The following RARB variants were observed in gnomAD, a reference collection of about 807,000 sequenced individuals.
RARB encodes the protein HBV-activated protein.
Under a neutral mutation model 51.9 loss-of-function variants are expected in RARB, and 17 were observed. The ratio of observed to expected loss-of-function variants is 0.33; its 90% CI spans 0.22 to 0.49. The LOEUF (loss-of-function observed/expected upper bound fraction) is 0.49, where lower values mean the gene tolerates loss of function less well. Among genes scored for constraint, RARB ranks in the 20% least tolerant of loss-of-function variants. The probability of loss-of-function intolerance (pLI) is 0.99; values close to 1 mark genes in which losing one functional copy is unlikely to be tolerated. For synonymous variants in RARB, 215 were observed against 195.4 expected (o/e 1.10, Z -0.84); for missense variants, 369 against 550.8 (o/e 0.67, Z 3.30).
chr3:24,844,312 G>A (rs1702459179), intron 1 of RARB, among the ~76,000 whole-genome samples: 1 of 152,228 alleles, frequency 6.6e-6, no homozygotes, highest in South Asian at 2.1e-4. Context: ...TGCCTGGCAA[G>A]GCTGGTGCCA....
chr3:25,385,484 T>C (rs11129198), intron 5 of RARB, among the ~76,000 whole-genome samples: 26,647 of 152,006 alleles, frequency 0.18, 2,470 homozygotes, highest in South Asian at 0.22. Context: ...ACACAGACAA[T>C]GAAAAGGTGA....
At chr3:25,296,595 G>A (rs1355033055) in intron 5 of RARB, among the ~76,000 whole-genome samples, 1 of 152,156 alleles carries the variant, frequency 6.6e-6, no homozygotes, top group Non-Finnish European at 1.5e-5. Context: ...TAATTATTCA[G>A]TGGTAAAGGT....
chr3:24,968,431 C>T (rs556695482), intron 2 of RARB, among the ~76,000 whole-genome samples: 63 of 152,172 alleles, frequency 4.1e-4, no homozygotes, highest in Non-Finnish European at 1.9e-4. Flanking sequence ...TAATAAACCA[C>T]CTTAGAAATT....
intron 2 of RARB, among the ~76,000 whole-genome samples, chr3:24,958,774 T>A (rs1574375): frequency 4.6e-5 from 7 of 151,988 alleles, no homozygotes; most frequent in African/African-American, 1.5e-4. Flanking sequence ...GCCATGAAAA[T>A]AATATGACAA....
chr3:25,099,171 C>G lies in RARB; in HGVS notation c.-327-32990C>G, dbSNP rs532203222. Among the ~76,000 whole-genome samples the G allele has an allele frequency of 2.0e-5, 3 of 152,246 alleles. No individual in the cohort carries two copies. In the South Asian group the frequency reaches 6.2e-4, roughly 32 times the overall value. On this transcript the variant is annotated intron_variant, in intron 3 of 11. Transcript: ENST00000383772. ...GATGGTAACAGAACAGGTAGGCACT[C>G]CCAAAGCCCTTGGCTTTAAATATAG... is the stretch of plus-strand genomic sequence containing the variant.
At chr3:25,210,842 G>T (rs868763168) in intron 5 of RARB, among the ~76,000 whole-genome samples, 1 of 151,840 alleles carries the variant, frequency 6.6e-6, no homozygotes, top group Non-Finnish European at 1.5e-5. Context: ...GCCTTTGTCT[G>T]ATTCTTTACA....
chr3:24,999,214 TAGAG>T (rs1285811790), intron 2 of RARB, among the ~76,000 whole-genome samples: 1 of 152,162 alleles, frequency 6.6e-6, no homozygotes, highest in Non-Finnish European at 1.5e-5. Flanking sequence ...GATATGAAAT[TAGAG>T]AGGTCTTGCA....
At chr3:25,216,806 C>T (rs1701845231) in intron 5 of RARB, among the ~76,000 whole-genome samples, 1 of 150,862 alleles carries the variant, frequency 6.6e-6, no homozygotes, top group Non-Finnish European at 1.5e-5. Flanking sequence ...TTATTTAGAG[C>T]TCTTTTAGTC....
intron 5 of RARB, among the ~76,000 whole-genome samples, chr3:25,335,570 C>T (rs778499701): frequency 1.3e-5 from 2 of 152,164 alleles, no homozygotes; most frequent in African/African-American, 2.4e-5. Context: ...GTGCAGTCAC[C>T]TCTTAAATTT....
intron 2 of RARB, among the ~76,000 whole-genome samples, chr3:24,946,263 CAAAAA>C (rs201010416): frequency 8.6e-5 from 10 of 116,490 alleles, no homozygotes; most frequent in East Asian, 7.6e-4. Flanking sequence ...GACTCCATCT[CAAAAA>C]AAAAAAAAAA....
At chr3:25,208,639 C>G (rs1701619143) in intron 5 of RARB, among the ~76,000 whole-genome samples, 1 of 152,090 alleles carries the variant, frequency 6.6e-6, no homozygotes, top group African/African-American at 2.4e-5. Flanking sequence ...AAACATCTCA[C>G]TGCACCATAC....
At chr3:25,201,086 C>T (rs1167826678) in intron 5 of RARB, among the ~76,000 whole-genome samples, 4 of 151,994 alleles carry the variant, frequency 2.6e-5, no homozygotes, top group Non-Finnish European at 5.9e-5. Flanking sequence ...ATGGAATGTT[C>T]TTCCATTTGT....
At position 25,201,220 on chromosome 3, in the gene RARB, G is replaced by T. The variant is rs1021491712; in HGVS notation, c.178+26645G>T. Among the ~76,000 whole-genome samples the T allele has an allele frequency of 2.0e-5, 3 of 151,556 alleles. No homozygotes were observed. The East Asian group carries it at 5.9e-4, about 30-fold the overall frequency. On this transcript the variant is annotated intron_variant, in intron 5 of 11. Coordinates refer to the RARB transcript ENST00000383772. ...GTGAATGGGAGTTCACTCGTGATTT[G>T]GCTCTCTGTTTTTCTGTTATTGCTG...
intron 3 of RARB, among the ~76,000 whole-genome samples, chr3:25,073,047 T>A (rs897958768): frequency 5.3e-4 from 80 of 152,156 alleles, no homozygotes; most frequent in African/African-American, 1.8e-3. Context: ...TTGAATATTG[T>A]CATTTCTTTC....
intron 2 of RARB, among the ~76,000 whole-genome samples, chr3:24,944,448 T>C (rs145499693): frequency 6.6e-6 from 1 of 152,352 alleles, no homozygotes; most frequent in East Asian, 1.9e-4. Context: ...CATACTGGCG[T>C]GTTCTTAGGC....
chr3:25,057,429 T>C (rs916638677), intron 2 of RARB, among the ~76,000 whole-genome samples: 1 of 152,048 alleles, frequency 6.6e-6, no homozygotes, highest in Non-Finnish European at 1.5e-5. Context: ...TACTTGTCCT[T>C]GAGGCTGAAT....
At chr3:24,864,086 C>T (rs1289276158) in intron 2 of RARB, among the ~76,000 whole-genome samples, 7 of 152,182 alleles carry the variant, frequency 4.6e-5, no homozygotes, top group Non-Finnish European at 1.0e-4. Context: ...CTAACTTTTG[C>T]TCCTCTATCC....
chr3:25,123,924 A>G (rs928092187), intron 3 of RARB, among the ~76,000 whole-genome samples: 8 of 152,172 alleles, frequency 5.3e-5, no homozygotes, highest in Non-Finnish European at 1.2e-4. Flanking sequence ...CTCATATCTT[A>G]TTGGCCAAAG....
intron 2 of RARB, among the ~76,000 whole-genome samples, chr3:24,924,308 T>C (rs899250718): frequency 2.0e-5 from 3 of 152,134 alleles, no homozygotes; most frequent in Non-Finnish European, 4.4e-5. Context: ...TGAAGAATTG[T>C]GATTGGAAAA....
Sources: allele counts gnomAD v4.1 joint callset (sites outside exome capture counted in the v4.1 genomes callset), GRCh38; gene constraint gnomAD v4.1.1; transcripts MANE v1.5; gene names NCBI Gene and HGNC (gene_info 2026-07-23, HGNC 2026-07-21).